Variants in NPAS1 observed in about 807,000 individuals in gnomAD.
The protein encoded by NPAS1 is neuronal PAS domain-containing protein 1.
In NPAS1, 29 loss-of-function variants were observed where a neutral mutation model predicts 49.2. The ratio of observed to expected loss-of-function variants is 0.59; its 90% CI spans 0.44 to 0.80. NPAS1 has a LOEUF of 0.80. Among genes scored for constraint, NPAS1 ranks in the 30% least tolerant of loss-of-function variants. The probability of loss-of-function intolerance (pLI) is 0.00; values close to 1 mark genes in which losing one functional copy is unlikely to be tolerated. For synonymous variants in NPAS1, 408 were observed against 380.4 expected, an observed-to-expected ratio of 1.07 and a Z score of -0.84; for missense variants, 825 against 835.5, an observed-to-expected ratio of 0.99 and a Z score of 0.15.
rs1332200788 is a variant in NPAS1, at chr19:47,031,480, G to A, written c.359-798G>A. On this transcript the variant is annotated intron_variant, in intron 3 of 11. Transcript: ENST00000602212. ...CCCAAAGTGCTTGGATTATAGGCAT[G>A]AGCCACCTCGCCCAGCCTGTTGGTT... is the stretch of plus-strand genomic sequence containing the variant. 2.0e-5 allele frequency among the ~76,000 whole-genome samples: 3 copies of A among 151,460 alleles called. No homozygotes were observed. The East Asian group carries it at 5.8e-4, about 29-fold the overall frequency.
chr19:47,026,678 G>T (rs190636942), intron 3 of NPAS1, among the ~76,000 whole-genome samples: 39 of 152,136 alleles, frequency 2.6e-4, no homozygotes, highest in African/African-American at 8.2e-4. Context: ...AAGTGCGGCC[G>T]GGGCGGTGGC....
rs528761308 is a variant in NPAS1, at chr19:47,040,488, G to A, written c.1007G>A (p.Arg336His). ...MDLGPSELVG[R>H]SCYQFVHGQD... ...CTGGGGCCCTCAGAGCTGGTGGGCC[G>A]CAGCTGCTACCAGTTTGTCCACGGA... is the stretch of plus-strand genomic sequence containing the variant. Residue 336 changes from arginine (R) to histidine (H), a missense_variant, in exon 9 of 12, where the codon CGC becomes CAC. Transcript: ENST00000602212. 76 of 1,604,232 alleles carry A rather than the reference G, an allele frequency of 4.7e-5. No homozygotes were observed. Among genetic ancestry groups the A allele is most frequent in the Middle Eastern group, 1.7e-4 (1 of 6,042 alleles).
intron 3 of NPAS1, among the ~76,000 whole-genome samples, chr19:47,031,794 G>T (rs1056681002): frequency 6.6e-6 from 1 of 151,554 alleles, no homozygotes; most frequent in Non-Finnish European, 1.5e-5. Flanking sequence ...CTCCCAAAGT[G>T]CTGGGATTAC....
At position 47,045,377 on chromosome 19, in the gene NPAS1, C is replaced by T; in HGVS notation, c.1499C>T (p.Ala500Val). ...CCCGAGTTCACCTCTGTCATCCGGG[C>T]AGGGGTCCTGAAGCAGGATCCGGTG... ...PRPEFTSVIRAGVLKQDPVRP... is the reference protein window; with the variant it reads ...PRPEFTSVIRVGVLKQDPVRP... Residue 500 changes from alanine to valine, a missense_variant, in exon 12 of 12, where the codon GCA (alanine) becomes GTA (valine). Coordinates refer to ENST00000602212, the MANE Select transcript of NPAS1 (RefSeq NM_002517.4). The T allele has an allele frequency of 1.9e-6, 3 of 1,613,398 alleles. No homozygotes were observed. The highest frequency in any genetic ancestry group is 2.5e-6 in the Non-Finnish European group (3 of 1,179,850).
chr19:47,020,771 G>A (rs1394323190), intron 1 of NPAS1: 3 of 235,434 alleles, frequency 1.3e-5, no homozygotes, highest in Non-Finnish European at 1.6e-5. Flanking sequence ...CGTGAGGCGG[G>A]CGCGCTGGCG....
At position 47,034,033 on chromosome 19, in the gene NPAS1, G is replaced by A. The variant is rs1184163243; in HGVS notation, c.522+1301G>A. 1.2e-4 allele frequency among the ~76,000 whole-genome samples: 18 copies of A among 144,696 alleles called. 1 individual carries two copies. The South Asian group carries it at 3.1e-3, about 25-fold the overall frequency. 94.9% of individuals were successfully genotyped at this position (144,696 alleles called of 152,430 possible). ...AAAAAAAAAAAAAAGGGCCGGGCGC[G>A]GTGGCTCACGCCTGTAATCCCAGCA... is the stretch of plus-strand genomic sequence containing the variant. On this transcript the variant is annotated intron_variant, in intron 5 of 11. Transcript: ENST00000602212.
intron 3 of NPAS1, among the ~76,000 whole-genome samples, chr19:47,025,432 C>G (rs8108678): frequency 0.66 from 75,308 of 113,272 alleles, 28,944 homozygotes; most frequent in African/African-American, 0.8. Context: ...GCATGCGCCA[C>G]CACGCCCAGC....
chr19:47,032,291 C>G lies in NPAS1; in HGVS notation c.372C>G (p.Arg124=). 1.2e-6 allele frequency: 2 copies of G among 1,613,960 alleles called. No homozygotes were observed. Among genetic ancestry groups the G allele is most frequent in the Middle Eastern group, 1.7e-4 (1 of 6,060 alleles). Residue 124 remains arginine, a synonymous_variant, in exon 4 of 12, where the codon CGC becomes CGG. Transcript: ENST00000602212. ...GPPAGLAPGR[R]GPAALVSEVF... ...CATCTGCCCCAGCCCCAGGCCGCCG[C>G]GGCCCCGCAGCGCTGGTCTCCGAAG...
rs944709370 is a variant in NPAS1, at chr19:47,019,955, G to T, written c.-85G>T. ...CCCGGCCGGCCCCACGCCGCGCCCG[G>T]AGCCTGCTCTGCGGCCAAGTAATCG... On this transcript the variant is annotated 5_prime_UTR_variant, in exon 1 of 12. Transcript: ENST00000602212. 20 of 395,176 alleles carry T rather than the reference G, an allele frequency of 5.1e-5. No individual in the cohort carries two copies. Among genetic ancestry groups the T allele is most frequent in the Non-Finnish European group, 7.6e-5 (17 of 223,862 alleles). The allele number at this position is 395,176 out of a possible 1,614,324, so 24.5% of individuals were successfully genotyped here.
intron 3 of NPAS1, among the ~76,000 whole-genome samples, chr19:47,023,730 A>G (rs1294080914): frequency 1.3e-5 from 2 of 152,132 alleles, no homozygotes; most frequent in Non-Finnish European, 2.9e-5. Context: ...AGGTGGGAGG[A>G]AAGCTTTGGG....
rs753630629 is a variant in NPAS1, at chr19:47,040,468, G to T, written c.987G>T (p.Gly329=). The change falls in exon 9 of 12, where the codon GGG becomes GGT. Residue 329 remains glycine, a synonymous_variant. Coordinates refer to ENST00000602212, the MANE Select transcript of NPAS1 (RefSeq NM_002517.4). ...GAGTCAGCGACCACATGGACCTGGG[G>T]CCCTCAGAGCTGGTGGGCCGCAGCT... ...ESRVSDHMDL[G]PSELVGRSCY... 4 of 1,602,066 alleles carry T rather than the reference G, an allele frequency of 2.5e-6. No individual in the cohort carries two copies. Among genetic ancestry groups the T allele is most frequent in the South Asian group, 2.3e-5 (2 of 88,706 alleles).
chr19:47,036,222 G>A (rs1182400608), intron 6 of NPAS1, 93 bp downstream of exon 6: 1 of 1,311,676 alleles, frequency 7.6e-7, no homozygotes, highest in Non-Finnish European at 1.1e-6. Flanking sequence ...TATACAAATA[G>A]CAGTGAAGTT....
Position 47,032,631 on chromosome 19 carries a change from T to C in NPAS1, c.433-12T>C, listed in dbSNP as rs945503480. 1.2e-6 allele frequency: 2 copies of C among 1,612,858 alleles called. No homozygotes were observed. The highest frequency in any genetic ancestry group is 1.7e-5 in the Admixed American group (1 of 60,010). On this transcript the variant is annotated splice_polypyrimidine_tract_variant and intron_variant, in intron 4 of 11. Coordinates refer to ENST00000602212, the MANE Select transcript of NPAS1 (RefSeq NM_002517.4). ...TCCTCTCCTTCCCCCTCCCTGTCTC[T>C]CCCGGCTCTAGTCCCTGGATGGCTT...
At chr19:47,043,959 G>A (rs556554980) in intron 11 of NPAS1, among the ~76,000 whole-genome samples, 3 of 151,420 alleles carry the variant, frequency 2.0e-5, no homozygotes, top group East Asian at 2.0e-4. Flanking sequence ...CCAGCTACTC[G>A]GGAGGCTGAG....
At chr19:47,034,047 G>GTAATCCCA (rs1451054232) in intron 5 of NPAS1, among the ~76,000 whole-genome samples, 2 of 143,688 alleles carry the variant, frequency 1.4e-5, no homozygotes, top group African/African-American at 5.1e-5. Context: ...GCTCACGCCT[G>GTAATCCCA]TAATCCCAGC....
intron 1 of NPAS1, among the ~76,000 whole-genome samples, chr19:47,020,239 G>C (rs531803919): frequency 1.2e-4 from 18 of 151,926 alleles, no homozygotes; most frequent in African/African-American, 4.1e-4. Context: ...GGGGTTAGGG[G>C]GTGTTCTGAA....
intron 1 of NPAS1, among the ~76,000 whole-genome samples, chr19:47,020,459 C>G (rs2056831640): frequency 6.6e-6 from 1 of 151,848 alleles, no homozygotes; most frequent in Non-Finnish European, 1.5e-5. Flanking sequence ...GTGGCGCCAT[C>G]CCGAGAGGCT....
At chr19:47,035,701 C>T (rs2056946685) in intron 5 of NPAS1, among the ~76,000 whole-genome samples, 1 of 152,196 alleles carries the variant, frequency 6.6e-6, no homozygotes, top group South Asian at 2.1e-4. Flanking sequence ...CTCCCACCCA[C>T]GCCCCACTCC....
At chr19:47,024,115 A>T (rs1270693917) in intron 3 of NPAS1, among the ~76,000 whole-genome samples, 1 of 151,872 alleles carries the variant, frequency 6.6e-6, no homozygotes, top group Non-Finnish European at 1.5e-5. Context: ...AAAAATATAT[A>T]AAAATAAAAA....
Sources: allele counts gnomAD v4.1 joint callset (sites outside exome capture counted in the v4.1 genomes callset), GRCh38; gene constraint gnomAD v4.1.1; transcripts MANE v1.5; gene names NCBI Gene and HGNC (gene_info 2026-07-23, HGNC 2026-07-21).